Variants in CCDC91 observed in about 807,000 individuals in gnomAD.
CCDC91 encodes coiled-coil domain-containing protein 91.
A neutral mutation model predicts 63.2 loss-of-function variants in CCDC91; 48 were observed. The observed-to-expected ratio is 0.76, with a 90% CI of 0.60 to 0.97. The LOEUF (loss-of-function observed/expected upper bound fraction) is 0.97, where lower values mean the gene tolerates loss of function less well. CCDC91 is among the 50% of genes least tolerant of loss of function. The probability of loss-of-function intolerance (pLI) is 0.00; values close to 1 mark genes in which losing one functional copy is unlikely to be tolerated. For missense variants in CCDC91, 500 were observed against 494.6 expected (o/e 1.01, Z -0.10); for synonymous variants, 167 against 165.8 (o/e 1.01, Z -0.06).
chr12:28,449,491 C>T (rs1444484914), intron 8 of CCDC91, among the ~76,000 whole-genome samples: 3 of 152,008 alleles, frequency 2.0e-5, no homozygotes, highest in Non-Finnish European at 4.4e-5. Context: ...TGAATATTCT[C>T]AGAAAGGTCT....
chr12:28,354,597 C>T (rs10843159), intron 6 of CCDC91, among the ~76,000 whole-genome samples: 30,725 of 152,058 alleles, frequency 0.2, 4,074 homozygotes, highest in Non-Finnish European at 0.3. Flanking sequence ...CAGGAAAACA[C>T]ACTACACAGA....
chr12:28,549,303 A>G lies in CCDC91; in HGVS notation c.*130A>G, dbSNP rs1943192132. On this transcript the variant is annotated 3_prime_UTR_variant, in exon 13 of 13. Coordinates refer to ENST00000536442, the MANE Select transcript of CCDC91 (RefSeq NM_018318.5). ...AGAATTGATTTCCAGTTCAAGGATA[A>G]ACCAAAACAATATTTAGAACTATCA... 5.3e-6 allele frequency: 3 copies of G among 569,536 alleles called. No individual in the cohort carries two copies. The highest frequency in any genetic ancestry group is 9.6e-6 in the Non-Finnish European group (3 of 313,142). 35.3% of individuals were successfully genotyped at this position (569,536 alleles called of 1,614,324 possible).
intron 8 of CCDC91, among the ~76,000 whole-genome samples, chr12:28,403,981 G>C (rs921870978): frequency 6.6e-6 from 1 of 151,080 alleles, no homozygotes; most frequent in Non-Finnish European, 1.5e-5. Context: ...ACCAGCTTTT[G>C]GTTTTATTGA....
At chr12:28,305,932 T>C in intron 4 of CCDC91, 126 bp downstream of exon 4, 1 of 772,072 alleles carries the variant, frequency 1.3e-6, no homozygotes. Flanking sequence ...CAATAGATAT[T>C]CTAATTTTGA....
At chr12:28,207,660 G>C (rs1332021858) in intron 1 of CCDC91, among the ~76,000 whole-genome samples, 1 of 152,166 alleles carries the variant, frequency 6.6e-6, no homozygotes, top group Non-Finnish European at 1.5e-5. Context: ...GTCTTCTGAA[G>C]AATATGGAAT....
intron 7 of CCDC91, among the ~76,000 whole-genome samples, chr12:28,382,367 T>A (rs1945346974): frequency 6.6e-6 from 1 of 151,898 alleles, no homozygotes; most frequent in Non-Finnish European, 1.5e-5. Flanking sequence ...TGATCCTAGG[T>A]TGAATCCACA....
intron 12 of CCDC91, among the ~76,000 whole-genome samples, chr12:28,502,978 C>A (rs1454191052): frequency 6.6e-6 from 1 of 151,744 alleles, no homozygotes; most frequent in East Asian, 1.9e-4. Flanking sequence ...ACCATAAAAA[C>A]CCTAGAAGAA....
intron 12 of CCDC91, among the ~76,000 whole-genome samples, chr12:28,491,099 A>C (rs1004496757): frequency 1.3e-5 from 2 of 151,698 alleles, no homozygotes; most frequent in African/African-American, 4.8e-5. Flanking sequence ...GGTATTTTTC[A>C]TTGGTTTTTG....
chr12:28,440,833 C>T (rs1326823131), intron 8 of CCDC91, among the ~76,000 whole-genome samples: 2 of 151,558 alleles, frequency 1.3e-5, no homozygotes, highest in South Asian at 2.1e-4. Context: ...CCGAGGTGGG[C>T]GGATTGCCTG....
intron 3 of CCDC91, 99 bp from the exon 4 acceptor site, chr12:28,305,550 T>G: frequency 9.8e-7 from 1 of 1,022,878 alleles, no homozygotes; most frequent in South Asian, 2.4e-5. Flanking sequence ...TACTTTTTTC[T>G]TTTCCTCTAT....
At position 28,413,260 on chromosome 12, in the gene CCDC91, TA is replaced by T. The variant is rs553908357; in HGVS notation, c.762+21850del. On this transcript the variant is annotated intron_variant, in intron 8 of 12. Coordinates refer to ENST00000536442, the MANE Select transcript of CCDC91 (RefSeq NM_018318.5). ...TCTCCTATTAAACATTTTTTTGGTA[TA>T]GGGGTCCTTTCCAACTAAGAGCCTG... 7.2e-5 allele frequency among the ~76,000 whole-genome samples: 11 copies of T among 152,316 alleles called. No homozygotes were observed. In the South Asian group the frequency reaches 2.1e-3, roughly 29 times the overall value.
intron 1 of CCDC91, among the ~76,000 whole-genome samples, chr12:28,233,552 C>A (rs1428127440): frequency 2.0e-5 from 3 of 151,906 alleles, no homozygotes; most frequent in Non-Finnish European, 4.4e-5. Context: ...TTTTTTGACC[C>A]AAATAGGAAG....
chr12:28,425,617 A>G (rs909910324), intron 8 of CCDC91, among the ~76,000 whole-genome samples: 3 of 152,054 alleles, frequency 2.0e-5, no homozygotes, highest in East Asian at 1.9e-4. Flanking sequence ...AGACTTTCTC[A>G]TTACTTTCAT....
chr12:28,383,794 C>T (rs1565890334), intron 7 of CCDC91, among the ~76,000 whole-genome samples: 1 of 152,120 alleles, frequency 6.6e-6, no homozygotes, highest in Non-Finnish European at 1.5e-5. Context: ...TCTGAAACGT[C>T]TAAATACTGT....
chr12:28,538,815 G>A (rs1387499196), intron 12 of CCDC91, among the ~76,000 whole-genome samples: 1 of 152,104 alleles, frequency 6.6e-6, no homozygotes, highest in Non-Finnish European at 1.5e-5. Flanking sequence ...GGTGTGAGAT[G>A]GTATCTCATT....
chr12:28,335,776 C>G lies in CCDC91; in HGVS notation c.577-26662C>G, dbSNP rs527848764. Among the ~76,000 whole-genome samples, 24 of 152,066 alleles carry G rather than the reference C, an allele frequency of 1.6e-4. 1 individual carries two copies. In the East Asian group the frequency reaches 3.9e-3, roughly 25 times the overall value. On this transcript the variant is annotated intron_variant, in intron 6 of 12. Coordinates refer to ENST00000536442, the MANE Select transcript of CCDC91 (RefSeq NM_018318.5). ...TTTTTAGTAGAATTCTCCCATAAGG[C>G]AAACATTCTTATCTCCCCTTTTTTT...
intron 12 of CCDC91, among the ~76,000 whole-genome samples, chr12:28,507,699 AT>A (rs1459675419): frequency 1.3e-5 from 2 of 151,882 alleles, no homozygotes; most frequent in Non-Finnish European, 2.9e-5. Flanking sequence ...CTGTATCCAG[AT>A]TTAATAATCA....
intron 1 of CCDC91, among the ~76,000 whole-genome samples, chr12:28,201,577 C>T (rs1014161146): frequency 6.9e-6 from 1 of 145,220 alleles, no homozygotes; most frequent in African/African-American, 2.5e-5. Context: ...CCTCACGTCC[C>T]AGGCGATGGG....
At chr12:28,224,102 T>G (rs1291700536) in intron 1 of CCDC91, among the ~76,000 whole-genome samples, 2 of 152,174 alleles carry the variant, frequency 1.3e-5, no homozygotes, top group African/African-American at 2.4e-5. Flanking sequence ...TTTTAAAAAC[T>G]GTTTCAAAGA....
Sources: allele counts gnomAD v4.1 joint callset (sites outside exome capture counted in the v4.1 genomes callset), GRCh38; gene constraint gnomAD v4.1.1; transcripts MANE v1.5; gene names NCBI Gene and HGNC (gene_info 2026-07-23, HGNC 2026-07-21).